Variants in ZNF362 observed in about 807,000 individuals in gnomAD.
The protein encoded by ZNF362 is rotund homolog.
A neutral mutation model predicts 42.9 loss-of-function variants in ZNF362; 11 were observed. That is an observed-to-expected ratio of 0.26 (90% CI 0.16 to 0.42). ZNF362 has a LOEUF of 0.42. ZNF362 is among the 20% of genes least tolerant of loss of function. The pLI, the probability that ZNF362 is intolerant of heterozygous loss-of-function variation, is 1.00. For synonymous variants in ZNF362, 255 were observed against 257.3 expected (o/e 0.99, Z 0.09); for missense variants, 362 against 576.2 (o/e 0.63, Z 3.81).
the ZNF362 span, among the ~76,000 whole-genome samples, chr1:33,246,280 G>A: frequency 6.6e-6 from 1 of 152,290 alleles, no homozygotes; most frequent in Middle Eastern, 3.4e-3. Context: ...GGACCAGGCA[G>A]GGGAATGCTG....
chr1:33,291,056 C>G (rs1414134709), intron 6 of ZNF362, among the ~76,000 whole-genome samples: 1 of 152,188 alleles, frequency 6.6e-6, no homozygotes, highest in African/African-American at 2.4e-5. Context: ...TGTGCAGAAA[C>G]TCTTTAGTTT....
chr1:33,265,154 G>T (rs1645856728), intron 1 of ZNF362, among the ~76,000 whole-genome samples: 1 of 151,798 alleles, frequency 6.6e-6, no homozygotes, highest in Admixed American at 6.6e-5. Flanking sequence ...AGAAATAGAA[G>T]TAGGGAGGGG....
the ZNF362 span, among the ~76,000 whole-genome samples, chr1:33,149,796 G>T: frequency 3.9e-5 from 6 of 152,102 alleles, no homozygotes; most frequent in African/African-American, 7.2e-5. Context: ...ACTGGCGTGG[G>T]GTATTATCTT....
chr1:33,141,625 T>C, the ZNF362 span, among the ~76,000 whole-genome samples: 138 of 152,326 alleles, frequency 9.1e-4, 2 homozygotes, highest in East Asian at 0.021. Flanking sequence ...AGGAAGTCCC[T>C]GGGTCTCTGG....
chr1:33,294,842 C>T lies in ZNF362; in HGVS notation c.909-95C>T, dbSNP rs1457037958. ...TTGGGGAGCATGGGCAGGGTAGGGACCGAGAGGCTTAGGGGCCAGAGTAAG... is the reference window on the plus strand; with the variant it reads ...TTGGGGAGCATGGGCAGGGTAGGGATCGAGAGGCTTAGGGGCCAGAGTAAG... On this transcript the variant is annotated intron_variant, in intron 6 of 8. Transcript: ENST00000539719. This position sits in a 1 kb window ranked among gnomAD's most constrained non-coding sequence, Gnocchi z 4.2. 7.2e-7 allele frequency: 1 copy of T among 1,390,910 alleles called. No homozygotes were observed. Among genetic ancestry groups the T allele is most frequent in the African/African-American group, 1.4e-5 (1 of 70,016 alleles). 86.2% of individuals were successfully genotyped at this position (1,390,910 alleles called of 1,614,324 possible). A position where few individuals can be genotyped will look rare whatever the true frequency, so the allele number is the denominator to read the frequency against.
At chr1:33,181,185 A>G in the ZNF362 span, 3 of 1,594,336 alleles carry the variant, frequency 1.9e-6, no homozygotes, top group South Asian at 1.1e-5. The surrounding 1 kb of genome is among the most constrained non-coding windows in gnomAD (Gnocchi z 6.5). Flanking sequence ...CGCGTTGAGG[A>G]TGGCGTCCAG....
rs528335493 is a variant in ZNF362 at position 33,297,401 on chromosome 1, A to G, written c.1147-1529A>G. 1.8e-4 allele frequency among the ~76,000 whole-genome samples: 27 copies of G among 152,370 alleles called. No individual in the cohort carries two copies. The South Asian group carries it at 5.6e-3, about 32-fold the overall frequency. ...TATCCACAATACCTTTGGAATATCA[A>G]AAAGTAATTAACCAAAGTCCTTATC... On this transcript the variant is annotated intron_variant, in intron 8 of 8. Transcript: ENST00000539719.
chr1:33,174,977 A>G, the ZNF362 span, among the ~76,000 whole-genome samples: 382 of 136,286 alleles, frequency 2.8e-3, 5 homozygotes, highest in African/African-American at 9.7e-3. Context: ...ATACACACAT[A>G]TACATATATA....
the ZNF362 span, among the ~76,000 whole-genome samples, chr1:33,240,925 G>A: frequency 2.0e-5 from 3 of 152,166 alleles, no homozygotes; most frequent in Non-Finnish European, 1.5e-5. Context: ...CAGAATAAGG[G>A]TGTGACAGTG....
chr1:33,279,552 TTA>T (rs904475649), intron 4 of ZNF362, among the ~76,000 whole-genome samples: 1 of 152,144 alleles, frequency 6.6e-6, no homozygotes, highest in African/African-American at 2.4e-5. Context: ...TCAGTTGATA[TTA>T]TGTTTCTAGT....
At chr1:33,173,019 G>C in the ZNF362 span, among the ~76,000 whole-genome samples, 4 of 152,158 alleles carry the variant, frequency 2.6e-5, no homozygotes, top group Non-Finnish European at 4.4e-5. Context: ...CCATGTCTGG[G>C]TACTGCTCTC....
the ZNF362 span, among the ~76,000 whole-genome samples, chr1:33,227,417 C>A: frequency 6.6e-6 from 1 of 152,126 alleles, no homozygotes; most frequent in Non-Finnish European, 1.5e-5. Flanking sequence ...TGTTCCTGCT[C>A]AGAACGCAAC....
the ZNF362 span, chr1:33,145,875 T>C: frequency 6.4e-6 from 3 of 471,008 alleles, no homozygotes; most frequent in Non-Finnish European, 1.3e-5. Context: ...AAATGACATT[T>C]CCCAGACTCC....
chr1:33,184,118 C>G, the ZNF362 span, among the ~76,000 whole-genome samples: 1 of 151,604 alleles, frequency 6.6e-6, no homozygotes, highest in Admixed American at 6.6e-5. Flanking sequence ...TGACTCCAAG[C>G]AGGTCTTTGT....
intron 4 of ZNF362, among the ~76,000 whole-genome samples, chr1:33,277,600 A>G (rs1458579611): frequency 6.6e-6 from 1 of 152,036 alleles, no homozygotes; most frequent in African/African-American, 2.4e-5. Flanking sequence ...GACCTTCAGG[A>G]GTGTGGTGGC....
rs1227911514 is a variant in ZNF362 at position 33,256,697 on chromosome 1, G to A, written c.-89+43G>A. 9 of 145,800 alleles carry A rather than the reference G, an allele frequency of 6.2e-5. No homozygotes were observed. In the East Asian group the frequency reaches 1.8e-3, roughly 30 times the overall value. 9.0% of individuals were successfully genotyped at this position (145,800 alleles called of 1,614,324 possible). ...GCGCGCGGGGAGCGGGCCCAGCGGC[G>A]GCGGGCGCCTGCCCGCGGGAAAGTT... On this transcript the variant is annotated intron_variant, in intron 1 of 8. Transcript: ENST00000539719.
the ZNF362 span, among the ~76,000 whole-genome samples, chr1:33,144,312 T>G: frequency 6.6e-6 from 1 of 152,178 alleles, no homozygotes; most frequent in Non-Finnish European, 1.5e-5. Context: ...TAATTTTGTA[T>G]TTTTTAGTAG....
chr1:33,250,476 T>C, the ZNF362 span, among the ~76,000 whole-genome samples: 2 of 152,182 alleles, frequency 1.3e-5, no homozygotes, highest in African/African-American at 2.4e-5. Context: ...CTCAGCAAAC[T>C]AATGCAGGAA....
chr1:33,270,706 C>T (rs1038477720), intron 2 of ZNF362, 94 bp downstream of exon 2: 50 of 1,554,476 alleles, frequency 3.2e-5, no homozygotes, highest in Non-Finnish European at 4.0e-5. Context: ...TCCCTGAGTG[C>T]CCCCGCTGCT....
Sources: gnomAD v4.1 joint callset for allele counts (sites outside exome capture counted in the v4.1 genomes callset) on GRCh38, gnomAD v4.1.1 for gene constraint, Gnocchi (gnomAD v3.1) non-coding constraint, MANE v1.5 for transcripts, NCBI Gene and HGNC (gene_info 2026-07-23, HGNC 2026-07-21) for gene names.